Variants in MAK observed in about 807,000 individuals in gnomAD.
MAK encodes serine/threonine-protein kinase MAK.
Under a neutral mutation model 82.6 loss-of-function variants are expected in MAK, and 65 were observed. That is an observed-to-expected ratio of 0.79 (90% CI 0.64 to 0.97). The LOEUF (loss-of-function observed/expected upper bound fraction) is 0.97. Among genes scored for constraint, MAK ranks in the 50% least tolerant of loss-of-function variants. The pLI is 0.00. For missense variants in MAK, 703 were observed against 780.2 expected, an observed-to-expected ratio of 0.90 and a Z score of 1.18; for synonymous variants, 250 against 274.2, an observed-to-expected ratio of 0.91 and a Z score of 0.87.
chr6:10,815,925 T>C lies in MAK; in HGVS notation c.278+1925A>G, dbSNP rs1346597723. Among the ~76,000 whole-genome samples the C allele has an allele frequency of 1.4e-4, 5 of 36,832 alleles. 1 individual carries two copies. Among genetic ancestry groups the C allele is most frequent in the South Asian group, 9.5e-4 (1 of 1,058 alleles). 24.2% of individuals were successfully genotyped at this position (36,832 alleles called of 152,430 possible). A position where few individuals can be genotyped will look rare whatever the true frequency, so the allele number is the denominator to read the frequency against. ...TAGCTTTATACAGTATATATATATA[T>C]ATATATATATATATATATATATGTA... On this transcript the variant is annotated intron_variant, in intron 4 of 14. Coordinates refer to ENST00000354489, the MANE Select transcript of MAK (RefSeq NM_001242957.3).
intron 11 of MAK, chr6:10,780,336 G>A (rs1674283225): frequency 1.5e-6 from 1 of 655,062 alleles, no homozygotes; most frequent in Non-Finnish European, 1.9e-6. Flanking sequence ...AAAACAGGGT[G>A]CTTTGGCTCA....
At position 10,816,612 on chromosome 6, in the gene MAK, CTT is replaced by C. The variant is rs1026435512; in HGVS notation, c.278+1236_278+1237del. On this transcript the variant is annotated intron_variant, in intron 4 of 14. Coordinates refer to ENST00000354489, the MANE Select transcript of MAK (RefSeq NM_001242957.3). ...AGTCCTAATCCATCTGCATACATAA[CTT>C]TTATATTAGGAATGAAAGTCACATA... Among the ~76,000 whole-genome samples, 59 of 152,068 alleles carry C rather than the reference CTT, an allele frequency of 3.9e-4. 1 individual carries two copies. Among genetic ancestry groups the C allele is most frequent in the Admixed American group, 1.3e-4 (2 of 15,260 alleles).
chr6:10,835,305 G>A (rs1169426171), intron 1 of MAK, among the ~76,000 whole-genome samples: 1 of 152,200 alleles, frequency 6.6e-6, no homozygotes, highest in African/African-American at 2.4e-5. Flanking sequence ...GGATGCCCAG[G>A]CTGGAGTGTG....
chr6:10,772,160 G>A (rs1438639649), intron 13 of MAK, among the ~76,000 whole-genome samples: 1 of 152,122 alleles, frequency 6.6e-6, no homozygotes, highest in Non-Finnish European at 1.5e-5. Flanking sequence ...GAAAGAAGTT[G>A]TTAGGGAAAA....
At chr6:10,805,925 G>A (rs1776405792) in intron 6 of MAK, among the ~76,000 whole-genome samples, 1 of 152,094 alleles carries the variant, frequency 6.6e-6, no homozygotes, top group African/African-American at 2.4e-5. Context: ...GCCAGGCTGT[G>A]GTCTGACCTC....
At chr6:10,788,723 G>C (rs987038205) in intron 10 of MAK, among the ~76,000 whole-genome samples, 3 of 151,882 alleles carry the variant, frequency 2.0e-5, no homozygotes, top group Non-Finnish European at 4.4e-5. Context: ...GCAATGAAGC[G>C]ACATTCCGTC....
At chr6:10,820,762 T>G (rs1298557704) in intron 2 of MAK, among the ~76,000 whole-genome samples, 1 of 152,204 alleles carries the variant, frequency 6.6e-6, no homozygotes, top group African/African-American at 2.4e-5. Flanking sequence ...ACTAGCTTAT[T>G]AAAAGATACT....
In MAK at chr6:10,764,205, TGG is replaced by T; in HGVS notation, c.*245_*246del. 1 of 464,622 alleles carries T rather than the reference TGG, an allele frequency of 2.2e-6. No homozygotes were observed. Among genetic ancestry groups the T allele is most frequent in the South Asian group, 3.2e-5 (1 of 31,046 alleles). The allele number at this position is 464,622 out of a possible 1,614,324, so 28.8% of individuals were successfully genotyped here. On this transcript the variant is annotated 3_prime_UTR_variant, in exon 15 of 15. Coordinates refer to ENST00000354489, the MANE Select transcript of MAK (RefSeq NM_001242957.3). ...ATTGTAGATCAAATACTTCATACTT[TGG>T]CAAATAGTTTATTCAATACTTTGTA...
chr6:10,800,729 C>T lies in MAK; in HGVS notation c.831+1163G>A, dbSNP rs1200113408. Among the ~76,000 whole-genome samples, 2 of 151,966 alleles carry T rather than the reference C, an allele frequency of 1.3e-5. No homozygotes were observed. Among genetic ancestry groups the T allele is most frequent in the African/African-American group, 4.8e-5 (2 of 41,358 alleles). ...TGGCTCATGCCTGTAATCTCAGCTACTCGGGAGGCTGAGGGTGGGAGAATC... is the reference window on the plus strand; with the variant it reads ...TGGCTCATGCCTGTAATCTCAGCTATTCGGGAGGCTGAGGGTGGGAGAATC... On this transcript the variant is annotated intron_variant, in intron 8 of 14. Coordinates refer to ENST00000354489, the MANE Select transcript of MAK (RefSeq NM_001242957.3). This position sits in a 1 kb window ranked among gnomAD's most constrained non-coding sequence, Gnocchi z 4.2.
chr6:10,836,281 A>G (rs1440141995), intron 1 of MAK, among the ~76,000 whole-genome samples: 2 of 152,200 alleles, frequency 1.3e-5, no homozygotes, highest in African/African-American at 2.4e-5. Context: ...CTAACCTTTA[A>G]GTAAAACAAC....
intron 2 of MAK, among the ~76,000 whole-genome samples, chr6:10,829,784 C>T (rs537076735): frequency 6.6e-6 from 1 of 152,136 alleles, no homozygotes; most frequent in Non-Finnish European, 1.5e-5. Context: ...GAATGACATT[C>T]CACATGAGCC....
At chr6:10,772,028 C>T (rs955212399) in intron 13 of MAK, among the ~76,000 whole-genome samples, 4 of 152,172 alleles carry the variant, frequency 2.6e-5, no homozygotes, top group South Asian at 2.1e-4. Flanking sequence ...AAGGAAATTT[C>T]GTCCGTTTTA....
chr6:10,796,163 ATCC>A lies in MAK; in HGVS notation c.975_977del (p.Asp326del). The A allele has an allele frequency of 6.2e-7, 1 of 1,614,174 alleles. No homozygotes were observed. The highest frequency in any genetic ancestry group is 8.5e-7 in the Non-Finnish European group (1 of 1,180,036). ...GTTGTCCAACAACCTGATCGATTATATCCGGCAGAGGCTTAGGCTCTACCTCAA... is the reference window on the plus strand; with the variant it reads ...GTTGTCCAACAACCTGATCGATTATAGGCAGAGGCTTAGGCTCTACCTCAA... On this transcript the variant is annotated inframe_deletion, in exon 9 of 15. Coordinates refer to ENST00000354489, the MANE Select transcript of MAK (RefSeq NM_001242957.3).
rs113423404 is a variant in MAK at position 10,785,292 on chromosome 6, G to A, written c.1317-720C>T. Among the ~76,000 whole-genome samples, 455 of 152,320 alleles carry A rather than the reference G, an allele frequency of 3.0e-3. 3 individuals are homozygous for A. The highest frequency in any genetic ancestry group is 0.01 in the African/African-American group (423 of 41,572). Reference sequence around the variant, plus strand: ...GGCCTGTTTGACCAGGCAGCAGTGCGTGAGGCGGCCATTGCTTTGTGTTGC... The same window carrying A: ...GGCCTGTTTGACCAGGCAGCAGTGCATGAGGCGGCCATTGCTTTGTGTTGC... On this transcript the variant is annotated intron_variant, in intron 10 of 14. Transcript: ENST00000354489.
chr6:10,769,981 A>G, intron 14 of MAK, 130 bp downstream of exon 14: 1 of 1,552,666 alleles, frequency 6.4e-7, no homozygotes, highest in Non-Finnish European at 8.7e-7. Context: ...GGTAAAAACA[A>G]AAAGAAATGC....
intron 4 of MAK, among the ~76,000 whole-genome samples, chr6:10,817,060 A>C (rs905399040): frequency 6.6e-6 from 1 of 152,162 alleles, no homozygotes; most frequent in African/African-American, 2.4e-5. Context: ...CATTCAATAA[A>C]TATGTTTTGA....
rs1772107537 is a variant in MAK, at chr6:10,763,285, G to A, written c.*1167C>T. Reference sequence around the variant, plus strand: ...GAACCAGCTGGCACACTTCATCTTTGTGTCTGGTAGGGACACAGAAACAAA... The same window carrying A: ...GAACCAGCTGGCACACTTCATCTTTATGTCTGGTAGGGACACAGAAACAAA... On this transcript the variant is annotated 3_prime_UTR_variant, in exon 15 of 15. Transcript: ENST00000354489. 1 of 152,348 alleles carries A rather than the reference G, an allele frequency of 6.6e-6. No individual in the cohort carries two copies. The highest frequency in any genetic ancestry group is 6.5e-5 in the Admixed American group (1 of 15,280). The allele number at this position is 152,348 out of a possible 1,614,324, so 9.4% of individuals were successfully genotyped here.
At chr6:10,837,544 T>C (rs989852899) in intron 1 of MAK, among the ~76,000 whole-genome samples, 3 of 152,244 alleles carry the variant, frequency 2.0e-5, no homozygotes, top group African/African-American at 7.2e-5. Context: ...AAGTCACTTT[T>C]GTTTTCACCA....
intron 9 of MAK, among the ~76,000 whole-genome samples, chr6:10,795,424 T>C (rs1004589793): frequency 1.4e-5 from 2 of 142,362 alleles, no homozygotes; most frequent in East Asian, 2.1e-4. Flanking sequence ...CCTGGGCAAA[T>C]AGAGTGAAAC....
Sources: allele counts gnomAD v4.1 joint callset (sites outside exome capture counted in the v4.1 genomes callset), GRCh38; gene constraint gnomAD v4.1.1; non-coding constraint Gnocchi (gnomAD v3.1); transcripts MANE v1.5; gene names NCBI Gene and HGNC (gene_info 2026-07-23, HGNC 2026-07-21).